FTO: variants seen among roughly 807,000 people sequenced by gnomAD.
The protein encoded by FTO is FTO alpha-ketoglutarate dependent dioxygenase.
A neutral mutation model predicts 63.9 loss-of-function variants in FTO; 47 were observed. That is an observed-to-expected ratio of 0.74 (90% CI 0.58 to 0.94). The LOEUF (loss-of-function observed/expected upper bound fraction) is 0.94, where lower values mean the gene tolerates loss of function less well. FTO is among the 40% of genes least tolerant of loss of function. The pLI, the probability that FTO is intolerant of heterozygous loss-of-function variation, is 0.00. For missense variants in FTO, 562 were observed against 618.1 expected, an observed-to-expected ratio of 0.91 and a Z score of 0.96; for synonymous variants, 207 against 224.4, an observed-to-expected ratio of 0.92 and a Z score of 0.69.
chr16:53,833,070 G>A (rs2079186226), intron 3 of FTO, among the ~76,000 whole-genome samples: 1 of 152,182 alleles, frequency 6.6e-6, no homozygotes, highest in South Asian at 2.1e-4. Flanking sequence ...TGAATCATGA[G>A]GCCGGTCTTT....
chr16:53,890,106 C>T (rs762275790), intron 7 of FTO, among the ~76,000 whole-genome samples: 7 of 152,076 alleles, frequency 4.6e-5, no homozygotes, highest in Non-Finnish European at 1.0e-4. Context: ...TGCCTTCAAA[C>T]AATTGGATTT....
intron 1 of FTO, among the ~76,000 whole-genome samples, chr16:53,784,071 T>G (rs1356448747): frequency 6.6e-6 from 1 of 152,166 alleles, no homozygotes; most frequent in African/African-American, 2.4e-5. Context: ...AGCAGCCAAA[T>G]CTAGCTAGAT....
intron 7 of FTO, among the ~76,000 whole-genome samples, chr16:53,921,988 C>T (rs2082017771): frequency 6.6e-6 from 1 of 152,280 alleles, no homozygotes; most frequent in Admixed American, 6.5e-5. Context: ...ACTGATTACT[C>T]TTGGGCATTT....
chr16:53,704,179 G>A lies in FTO; in HGVS notation c.-6G>A, dbSNP rs770765317. ...TTGCGGTGGCGAAGGCGGCTTTAGT[G>A]GCAGCATGAAGCGCACCCCGACTGC... is the stretch of plus-strand genomic sequence containing the variant. On this transcript the variant is annotated 5_prime_UTR_variant, in exon 1 of 9. Transcript: ENST00000471389. 1.8e-5 allele frequency: 28 copies of A among 1,551,534 alleles called. No individual in the cohort carries two copies. The South Asian group carries it at 2.5e-4, about 14-fold the overall frequency.
In FTO at chr16:53,891,799, G is replaced by A. The variant is rs112951097; in HGVS notation, c.1239+2848G>A. On this transcript the variant is annotated intron_variant, in intron 7 of 8. Coordinates refer to ENST00000471389, the MANE Select transcript of FTO (RefSeq NM_001080432.3). ...ATAATTTGAAGGTGGTGGCACATGC[G>A]TTAAGAGGAAATATCTGTTATTTGT... Among the ~76,000 whole-genome samples the A allele has an allele frequency of 5.9e-3, 893 of 152,330 alleles. 9 individuals are homozygous for A. The highest frequency in any genetic ancestry group is 0.02 in the African/African-American group (841 of 41,574).
chr16:54,038,045 T>G (rs1167540663), intron 8 of FTO, among the ~76,000 whole-genome samples: 4 of 152,234 alleles, frequency 2.6e-5, no homozygotes, highest in African/African-American at 9.6e-5. Flanking sequence ...TTCTCTAATG[T>G]AAGCCATATA....
chr16:54,018,251 A>C (rs778725029), intron 8 of FTO, among the ~76,000 whole-genome samples: 2 of 152,192 alleles, frequency 1.3e-5, no homozygotes, highest in Admixed American at 6.5e-5. Context: ...CTCTTGGTAC[A>C]TACTGACAAA....
chr16:54,049,546 G>A (rs1187053360), intron 8 of FTO, among the ~76,000 whole-genome samples: 1 of 152,176 alleles, frequency 6.6e-6, no homozygotes, highest in Non-Finnish European at 1.5e-5. Context: ...GGGGGAAATG[G>A]CCATGTTTAC....
intron 7 of FTO, among the ~76,000 whole-genome samples, chr16:53,924,630 G>A (rs2082094449): frequency 6.6e-6 from 1 of 152,260 alleles, no homozygotes; most frequent in African/African-American, 2.4e-5. Flanking sequence ...AAGGAAGGAT[G>A]AAGACAGCAG....
At chr16:53,882,878 C>T (rs764846515) in intron 6 of FTO, among the ~76,000 whole-genome samples, 1 of 152,176 alleles carries the variant, frequency 6.6e-6, no homozygotes, top group Non-Finnish European at 1.5e-5. Flanking sequence ...TCCAGAACCA[C>T]AGGGGAAGCA....
intron 8 of FTO, among the ~76,000 whole-genome samples, chr16:53,935,044 T>C (rs1018900265): frequency 6.6e-6 from 1 of 152,168 alleles, no homozygotes; most frequent in African/African-American, 2.4e-5. Context: ...CTATTCTGTT[T>C]TGAAAAACAG....
At chr16:53,747,965 C>T (rs1882617301) in intron 1 of FTO, among the ~76,000 whole-genome samples, 1 of 152,130 alleles carries the variant, frequency 6.6e-6, no homozygotes. Flanking sequence ...GTCAAACCCA[C>T]ATACATGCAT....
chr16:54,003,387 A>G (rs1478358659), intron 8 of FTO, among the ~76,000 whole-genome samples: 1 of 152,250 alleles, frequency 6.6e-6, no homozygotes, highest in Non-Finnish European at 1.5e-5. Flanking sequence ...TGTTTACATT[A>G]CTTGTCATTA....
At chr16:53,806,842 A>C (rs1431827011) in intron 1 of FTO, among the ~76,000 whole-genome samples, 4 of 152,210 alleles carry the variant, frequency 2.6e-5, no homozygotes. Flanking sequence ...ACTGGCTCAC[A>C]TGGGAAATGC....
chr16:53,986,256 A>G (rs1199329767), intron 8 of FTO, among the ~76,000 whole-genome samples: 3 of 152,204 alleles, frequency 2.0e-5, no homozygotes, highest in Non-Finnish European at 4.4e-5. Context: ...TATGACTGAA[A>G]TAGACAGGGA....
chr16:53,858,536 T>C (rs924777423), intron 4 of FTO, among the ~76,000 whole-genome samples: 1 of 152,244 alleles, frequency 6.6e-6, no homozygotes, highest in African/African-American at 2.4e-5. Flanking sequence ...TCAAGGTACA[T>C]AACTTCCCCT....
chr16:53,987,523 C>T (rs1416873631), intron 8 of FTO, among the ~76,000 whole-genome samples: 1 of 148,454 alleles, frequency 6.7e-6, no homozygotes, highest in Non-Finnish European at 1.5e-5. Context: ...GCGGATGTTA[C>T]AGTGAACCGA....
In FTO at chr16:53,911,293, G is replaced by T; in HGVS notation, c.1239+22342G>T. 1.6e-5 allele frequency: 11 copies of T among 684,514 alleles called. No homozygotes were observed. The South Asian group carries it at 1.7e-4, about 11-fold the overall frequency. 42.4% of individuals were successfully genotyped at this position (684,514 alleles called of 1,614,324 possible). On this transcript the variant is annotated intron_variant, in intron 7 of 8. Transcript: ENST00000471389. ...AAGGAGAACAAAGTAGGGTGACCTA[G>T]TCTGAAGGACAGGCGCAGAACAGTC...
At chr16:53,937,160 G>C in intron 8 of FTO, 1 of 398,412 alleles carries the variant, frequency 2.5e-6, no homozygotes, top group Admixed American at 4.4e-5. Flanking sequence ...GCACATCTGA[G>C]TGCTGTGGGT....
Sources: gnomAD v4.1 joint callset for allele counts (sites outside exome capture counted in the v4.1 genomes callset) on GRCh38, gnomAD v4.1.1 for gene constraint, MANE v1.5 for transcripts, NCBI Gene and HGNC (gene_info 2026-07-23, HGNC 2026-07-21) for gene names.